Variants in ERBIN observed in about 807,000 individuals in gnomAD.
The protein encoded by ERBIN is erbb2 interacting protein, also known as densin-180-like protein.
A neutral mutation model predicts 158.4 loss-of-function variants in ERBIN; 60 were observed. The ratio of observed to expected loss-of-function variants is 0.38; its 90% confidence interval spans 0.31 to 0.47. The LOEUF is 0.47. Ranked by LOEUF, ERBIN falls within the 20% of genes least tolerant of loss-of-function variation. The pLI, the probability that ERBIN is intolerant of heterozygous loss-of-function variation, is 0.99. For missense variants in ERBIN, 1,610 were observed against 1,648.0 expected (o/e 0.98, Z 0.40); for synonymous variants, 594 against 557.2 (o/e 1.07, Z -0.93).
chr5:66,050,870 T>A lies in ERBIN; in HGVS notation c.1991T>A (p.Met664Lys). 6.2e-7 allele frequency: 1 copy of A among 1,604,698 alleles called. No individual in the cohort carries two copies. Among genetic ancestry groups the A allele is most frequent in the Non-Finnish European group, 8.5e-7 (1 of 1,176,304 alleles). Residue 664 changes from methionine to lysine, a missense_variant, in exon 20 of 26, where the codon ATG becomes AAG. By Grantham distance (95) the Met-to-Lys change is moderately conservative. Around this residue, in one of 2 missense-constraint regions of ERBIN, gnomAD observed 1,014 missense variants for 936.1 expected, o/e 1.08. Coordinates refer to ENST00000284037, the MANE Select transcript of ERBIN (RefSeq NM_001253697.2). Reference protein sequence around the residue: ...NNSNCSSPSRMSDSVSLNTDS... With the variant: ...NNSNCSSPSRKSDSVSLNTDS... ...AGCAATTGTTCTTCTCCATCTCGGA[T>A]GTCTGATTCAGTTTCTCTTAATACT... is the stretch of plus-strand genomic sequence containing the variant.
chr5:66,023,198 GT>G (rs1463794357), intron 8 of ERBIN, 91 bp from the exon 9 acceptor site: 2 of 879,228 alleles, frequency 2.3e-6, no homozygotes, highest in Non-Finnish European at 3.7e-6. Flanking sequence ...GAAACTAAAG[GT>G]TATTAGAAAT....
At chr5:66,031,073 C>A (rs1324182344) in intron 14 of ERBIN, among the ~76,000 whole-genome samples, 1 of 152,048 alleles carries the variant, frequency 6.6e-6, no homozygotes, top group Non-Finnish European at 1.5e-5. Context: ...TTGAGTAAAA[C>A]AAATCAGATA....
At chr5:66,034,789 G>T (rs1757229434) in intron 14 of ERBIN, among the ~76,000 whole-genome samples, 1 of 152,074 alleles carries the variant, frequency 6.6e-6, no homozygotes. Context: ...TATAGAGAAA[G>T]CACACAACTG....
chr5:65,936,027 G>C (rs1744041508), intron 1 of ERBIN, among the ~76,000 whole-genome samples: 3 of 152,106 alleles, frequency 2.0e-5, no homozygotes, highest in Admixed American at 2.0e-4. Flanking sequence ...GCACCCAGCT[G>C]TGGTTTTCAT....
intron 1 of ERBIN, among the ~76,000 whole-genome samples, chr5:65,940,381 C>A (rs1170475665): frequency 6.8e-6 from 1 of 146,452 alleles, no homozygotes. Context: ...TGAGGAGCAT[C>A]TCCGCCCGGC....
chr5:65,964,674 G>T (rs1184102959), intron 1 of ERBIN, among the ~76,000 whole-genome samples: 1 of 151,430 alleles, frequency 6.6e-6, no homozygotes, highest in Non-Finnish European at 1.5e-5. Context: ...TGATTTTCAG[G>T]TACTGCAGAC....
In ERBIN at chr5:65,983,613, T is replaced by G. The variant is rs138634026; in HGVS notation, c.-57-5022T>G. Among the ~76,000 whole-genome samples, 327 of 146,410 alleles carry G rather than the reference T, an allele frequency of 2.2e-3. 3 individuals carry two copies. In the South Asian group the frequency reaches 0.033, roughly 15 times the overall value. ...TAAATGATCTTACACAACCACTAAA[T>G]ACCATCTAATAGGTGTGGGCATGCC... On this transcript the variant is annotated intron_variant, in intron 1 of 25. Transcript: ENST00000284037.
At chr5:65,965,372 GTTTTTTGTTGTTTTTTTTTTTTTTTTTT>G (rs1748450883) in intron 1 of ERBIN, among the ~76,000 whole-genome samples, 1 of 113,850 alleles carries the variant, frequency 8.8e-6, no homozygotes, top group African/African-American at 3.2e-5. Flanking sequence ...TACCAGATTT[GTTTTTTGTTGTTTTTTTTTTTTTTTTTT>G]TTTTTTTTTT....
chr5:65,965,457 G>A (rs1748493185), intron 1 of ERBIN, among the ~76,000 whole-genome samples: 1 of 135,124 alleles, frequency 7.4e-6, no homozygotes, highest in East Asian at 2.4e-4. Context: ...CCGAGCTGGA[G>A]TACAGTGGGC....
At chr5:66,067,207 T>C (rs1293868613) in intron 21 of ERBIN, among the ~76,000 whole-genome samples, 1 of 152,232 alleles carries the variant, frequency 6.6e-6, no homozygotes, top group Non-Finnish European at 1.5e-5. Flanking sequence ...AGTTTAGCTT[T>C]TTCTTTAGTC....
intron 22 of ERBIN, among the ~76,000 whole-genome samples, chr5:66,073,699 TG>T (rs1295965640): frequency 6.6e-6 from 1 of 152,224 alleles, no homozygotes; most frequent in African/African-American, 2.4e-5. Context: ...CTTTTCTATT[TG>T]GGTTAATTTA....
At chr5:66,074,488 A>C (rs1473704656) in intron 22 of ERBIN, among the ~76,000 whole-genome samples, 1 of 152,184 alleles carries the variant, frequency 6.6e-6, no homozygotes. Flanking sequence ...AGCTGAATTG[A>C]CTTGTTAATT....
chr5:65,980,978 C>G (rs891008304), intron 1 of ERBIN, among the ~76,000 whole-genome samples: 1 of 152,078 alleles, frequency 6.6e-6, no homozygotes, highest in African/African-American at 2.4e-5. Flanking sequence ...AACATTATAC[C>G]CAAGAGAGGC....
At chr5:66,030,489 A>G (rs1414106422) in intron 14 of ERBIN, among the ~76,000 whole-genome samples, 2 of 151,978 alleles carry the variant, frequency 1.3e-5, no homozygotes, top group African/African-American at 4.8e-5. Context: ...GCCATTTACT[A>G]ACTTCACAAT....
rs777537857 is a variant in ERBIN at position 66,025,502 on chromosome 5, G to A, written c.840G>A (p.Thr280=). ...TAGGTTCGTTGAAGAATATAACAAC[G>A]CTTAAAATAGATGAAAACCAGTTAA... The part of the protein sequence containing the change: ...ETIGSLKNIT[T]LKIDENQLMY... The change falls in exon 11 of 26, where the codon ACG becomes ACA. Residue 280 remains threonine, a synonymous_variant. Coordinates refer to ENST00000284037, the MANE Select transcript of ERBIN (RefSeq NM_001253697.2). 20 of 1,611,986 alleles carry A rather than the reference G, an allele frequency of 1.2e-5. No homozygotes were observed. Among genetic ancestry groups the A allele is most frequent in the Middle Eastern group, 1.7e-4 (1 of 6,040 alleles).
chr5:66,061,669 C>G (rs1044331180), intron 21 of ERBIN, among the ~76,000 whole-genome samples: 7 of 152,334 alleles, frequency 4.6e-5, no homozygotes, highest in African/African-American at 1.4e-4. Context: ...CATGTTTTTG[C>G]AGTGGCTGGT....
intron 21 of ERBIN, among the ~76,000 whole-genome samples, chr5:66,065,170 G>A (rs1463230138): frequency 6.6e-6 from 1 of 152,150 alleles, no homozygotes; most frequent in Non-Finnish European, 1.5e-5. Context: ...TAGGTTTAGT[G>A]ATGCAAATTT....
At chr5:66,045,421 A>G (rs1412981883) in intron 17 of ERBIN, among the ~76,000 whole-genome samples, 1 of 146,080 alleles carries the variant, frequency 6.8e-6, no homozygotes, top group Non-Finnish European at 1.5e-5. Flanking sequence ...GCCTATATGT[A>G]ATATAGTATA....
chr5:66,048,268 A>C (rs548435980), intron 18 of ERBIN, among the ~76,000 whole-genome samples: 1 of 152,094 alleles, frequency 6.6e-6, no homozygotes, highest in African/African-American at 2.4e-5. Context: ...CTGAAAAGCC[A>C]AGCTAAGAAG....
Sources: gnomAD v4.1 joint callset for allele counts (sites outside exome capture counted in the v4.1 genomes callset) on GRCh38, gnomAD v4.1.1 for gene constraint, gnomAD v4.1.1 regional missense constraint, MANE v1.5 for transcripts, NCBI Gene and HGNC (gene_info 2026-07-23, HGNC 2026-07-21) for gene names.